Variants in PRKD1 observed in about 807,000 individuals in gnomAD.
PRKD1 encodes protein kinase D1, also known as serine/threonine-protein kinase D1.
Under a neutral mutation model 95.9 loss-of-function variants are expected in PRKD1, and 63 were observed. The observed-to-expected ratio is 0.66, with a 90% CI of 0.54 to 0.81. PRKD1 has a LOEUF of 0.81. Ranked by LOEUF, PRKD1 falls within the 30% of genes least tolerant of loss-of-function variation. The pLI is 0.00. For synonymous variants in PRKD1, 425 were observed against 423.1 expected (o/e 1.00, Z -0.05); for missense variants, 1,048 against 1,165.3 (o/e 0.90, Z 1.47).
At chr14:29,699,040 CCTT>C (rs535655366) in intron 2 of PRKD1, among the ~76,000 whole-genome samples, 11 of 152,146 alleles carry the variant, frequency 7.2e-5, no homozygotes, top group Non-Finnish European at 1.3e-4. Context: ...CTTCAGCCTT[CCTT>C]CTATTATATA....
chr14:29,925,086 C>G (rs375237052), intron 1 of PRKD1, among the ~76,000 whole-genome samples: 15 of 152,132 alleles, frequency 9.9e-5, no homozygotes, highest in African/African-American at 3.6e-4. Flanking sequence ...AGATCTTTAC[C>G]TTAACTATTC....
intron 16 of PRKD1, among the ~76,000 whole-genome samples, chr14:29,586,809 G>C (rs1216579080): frequency 6.6e-6 from 1 of 152,018 alleles, no homozygotes; most frequent in Non-Finnish European, 1.5e-5. Flanking sequence ...ATTTTTAGTA[G>C]AGATGGGGTT....
At position 29,820,014 on chromosome 14, in the gene PRKD1, G is replaced by A. The variant is rs142432010; in HGVS notation, c.265-94340C>T. 5.0e-3 allele frequency among the ~76,000 whole-genome samples: 758 copies of A among 152,294 alleles called. 2 individuals are homozygous for A. Among genetic ancestry groups the A allele is most frequent in the Admixed American group, 0.011 (173 of 15,308 alleles). On this transcript the variant is annotated intron_variant, in intron 1 of 17. Transcript: ENST00000331968. Reference sequence around the variant, plus strand: ...GTCTCAAAAGATGTTGGTCCACAGAGAGTGCCAGTTATTTCTAATATGAAA... The same window carrying A: ...GTCTCAAAAGATGTTGGTCCACAGAAAGTGCCAGTTATTTCTAATATGAAA...
chr14:29,686,319 G>T (rs141128474), intron 2 of PRKD1, among the ~76,000 whole-genome samples: 2 of 152,164 alleles, frequency 1.3e-5, no homozygotes, highest in Non-Finnish European at 2.9e-5. Context: ...GGGTGGAAGC[G>T]TCTGGGGGAA....
At chr14:29,753,889 C>T (rs930480405) in intron 1 of PRKD1, among the ~76,000 whole-genome samples, 4 of 152,088 alleles carry the variant, frequency 2.6e-5, no homozygotes, top group South Asian at 2.1e-4. Flanking sequence ...AATGTGGCAA[C>T]GGATAGCCTG....
intron 2 of PRKD1, among the ~76,000 whole-genome samples, chr14:29,706,699 C>T (rs1885108604): frequency 6.6e-6 from 1 of 152,078 alleles, no homozygotes; most frequent in African/African-American, 2.4e-5. Flanking sequence ...ACCAAAAATC[C>T]TATGATATTA....
At chr14:29,852,228 C>A (rs1252919483) in intron 1 of PRKD1, among the ~76,000 whole-genome samples, 1 of 151,478 alleles carries the variant, frequency 6.6e-6, no homozygotes, top group East Asian at 1.9e-4. Context: ...CCCCTTGAAT[C>A]TAAAATAAAA....
chr14:29,693,241 C>G (rs1227007677), intron 2 of PRKD1, among the ~76,000 whole-genome samples: 3 of 152,126 alleles, frequency 2.0e-5, no homozygotes, highest in East Asian at 3.9e-4. Context: ...AATACCTCTT[C>G]TAAGTCGGAA....
At chr14:29,603,256 A>AAT (rs1450453030) in intron 13 of PRKD1, among the ~76,000 whole-genome samples, 1 of 152,218 alleles carries the variant, frequency 6.6e-6, no homozygotes, top group Admixed American at 6.5e-5. Flanking sequence ...GCTTTATCTG[A>AAT]ATAGTTGATA....
intron 1 of PRKD1, among the ~76,000 whole-genome samples, chr14:29,817,034 A>G (rs1296657278): frequency 6.6e-6 from 1 of 152,222 alleles, no homozygotes; most frequent in Non-Finnish European, 1.5e-5. Flanking sequence ...TTCCAAATAT[A>G]TATTTATATA....
chr14:29,684,488 C>T (rs1278632047), intron 2 of PRKD1, among the ~76,000 whole-genome samples: 1 of 152,126 alleles, frequency 6.6e-6, no homozygotes, highest in Non-Finnish European at 1.5e-5. Context: ...TTGTTATCAC[C>T]TTTTATATTT....
intron 3 of PRKD1, 45 bp from the exon 4 acceptor site, chr14:29,663,904 A>G: frequency 1.3e-6 from 2 of 1,571,902 alleles, no homozygotes; most frequent in South Asian, 2.2e-5. Context: ...CCATAAATTA[A>G]AAAGTGATTC....
intron 1 of PRKD1, among the ~76,000 whole-genome samples, chr14:29,779,568 T>A (rs1010185381): frequency 2.0e-5 from 3 of 152,010 alleles, no homozygotes; most frequent in Non-Finnish European, 4.4e-5. Flanking sequence ...TACCTAGGAA[T>A]CCAACTTACA....
intron 1 of PRKD1, among the ~76,000 whole-genome samples, chr14:29,911,769 C>T (rs537837712): frequency 2.0e-5 from 3 of 152,280 alleles, no homozygotes; most frequent in Non-Finnish European, 4.4e-5. Context: ...CTTACTGTTT[C>T]GGAGATCAGA....
At chr14:29,619,522 G>A (rs977021256) in intron 13 of PRKD1, among the ~76,000 whole-genome samples, 11 of 152,186 alleles carry the variant, frequency 7.2e-5, no homozygotes, top group African/African-American at 2.7e-4. Flanking sequence ...CCCCTGAAGT[G>A]TGTATTCTAG....
At chr14:29,838,427 C>T (rs1430394219) in intron 1 of PRKD1, among the ~76,000 whole-genome samples, 3 of 152,198 alleles carry the variant, frequency 2.0e-5, no homozygotes, top group Middle Eastern at 6.8e-3. Flanking sequence ...AGAATTGAGG[C>T]CCCCTGTATA....
chr14:29,901,839 G>A (rs897242402), intron 1 of PRKD1, among the ~76,000 whole-genome samples: 11 of 152,176 alleles, frequency 7.2e-5, no homozygotes, highest in East Asian at 1.9e-4. Flanking sequence ...AACAGGTATC[G>A]CCATCCCTGT....
At chr14:29,774,516 C>A (rs1311831138) in intron 1 of PRKD1, among the ~76,000 whole-genome samples, 6 of 152,128 alleles carry the variant, frequency 3.9e-5, no homozygotes, top group South Asian at 2.1e-4. Context: ...CCCTCCTAAG[C>A]ATTTCATATG....
chr14:29,678,545 C>T (rs1014967364), intron 2 of PRKD1, among the ~76,000 whole-genome samples: 2 of 152,048 alleles, frequency 1.3e-5, no homozygotes, highest in Non-Finnish European at 2.9e-5. Context: ...TGAAACAATG[C>T]TCTTTGGGTG....
Sources: gnomAD v4.1 joint callset for allele counts (sites outside exome capture counted in the v4.1 genomes callset) on GRCh38, gnomAD v4.1.1 for gene constraint, MANE v1.5 for transcripts, NCBI Gene and HGNC (gene_info 2026-07-23, HGNC 2026-07-21) for gene names.